The following KCNAB2 variants were observed in gnomAD, a reference collection of about 807,000 sequenced individuals.
KCNAB2 encodes the protein voltage-gated potassium channel subunit beta-2.
A neutral mutation model predicts 63.6 loss-of-function variants in KCNAB2; 29 were observed. The observed-to-expected ratio is 0.46, with a 90% CI of 0.34 to 0.62. The LOEUF (loss-of-function observed/expected upper bound fraction) is 0.62, where lower values mean the gene tolerates loss of function less well. KCNAB2 is among the 20% of genes least tolerant of loss of function. The pLI is 0.01. For synonymous variants in KCNAB2, 222 were observed against 224.2 expected, an observed-to-expected ratio of 0.99 and a Z score of 0.09; for missense variants, 359 against 563.9, an observed-to-expected ratio of 0.64 and a Z score of 3.68.
intron 1 of KCNAB2, among the ~76,000 whole-genome samples, chr1:6,008,534 T>C (rs1405507471): frequency 2.0e-5 from 3 of 151,724 alleles, no homozygotes; most frequent in African/African-American, 7.3e-5. Context: ...AGCAAGAGAA[T>C]TGCTTGAACC....
At chr1:6,004,954 T>C (rs111361205) in intron 1 of KCNAB2, among the ~76,000 whole-genome samples, 1,406 of 95,426 alleles carry the variant, frequency 0.015, 31 homozygotes, top group African/African-American at 0.039. Flanking sequence ...AGTGGGGGGA[T>C]GTGGGAGCTG....
chr1:6,016,448 G>C (rs1658504868), intron 1 of KCNAB2, among the ~76,000 whole-genome samples: 1 of 152,238 alleles, frequency 6.6e-6, no homozygotes, highest in Non-Finnish European at 1.5e-5. Flanking sequence ...CCACCCCCTT[G>C]AGACCACAGG....
chr1:6,068,807 C>T (rs1262199224), intron 2 of KCNAB2, among the ~76,000 whole-genome samples: 1 of 152,186 alleles, frequency 6.6e-6, no homozygotes, highest in African/African-American at 2.4e-5. Context: ...CCCTGGGAAG[C>T]TGGCCCTTCC....
At chr1:6,009,773 T>A (rs1658043122) in intron 1 of KCNAB2, among the ~76,000 whole-genome samples, 1 of 152,186 alleles carries the variant, frequency 6.6e-6, no homozygotes. Flanking sequence ...CGGTGTTCCC[T>A]CTCTGTCTCT....
intron 13 of KCNAB2, among the ~76,000 whole-genome samples, chr1:6,095,840 C>T (rs1037745180): frequency 2.6e-5 from 4 of 151,072 alleles, no homozygotes; most frequent in Non-Finnish European, 4.4e-5. Flanking sequence ...GTGGCACAGG[C>T]CCAAGTGGAG....
Position 6,072,884 on chromosome 1 carries a change from G to A in KCNAB2, c.262+86G>A, listed in dbSNP as rs371261325. 848 of 1,363,022 alleles carry A rather than the reference G, an allele frequency of 6.2e-4. 11 individuals are homozygous for A. In the South Asian group the frequency reaches 0.01, roughly 16 times the overall value. 84.4% of individuals were successfully genotyped at this position (1,363,022 alleles called of 1,614,324 possible). A position where few individuals can be genotyped will look rare whatever the true frequency, so the allele number is the denominator to read the frequency against. ...GACTGAACTGGACACCCCTTGGGAG[G>A]CAGGGTGGCCCAAACCTTGGCACTC... On this transcript the variant is annotated intron_variant, in intron 3 of 15. Transcript: ENST00000378083.
intron 1 of KCNAB2, among the ~76,000 whole-genome samples, chr1:6,011,744 C>T (rs925042423): frequency 6.7e-6 from 1 of 150,286 alleles, no homozygotes; most frequent in Non-Finnish European, 1.5e-5. Context: ...TGGAGGTGGG[C>T]GAGAGGGAGA....
chr1:6,067,294 G>A (rs956925252), intron 2 of KCNAB2, among the ~76,000 whole-genome samples: 12 of 152,306 alleles, frequency 7.9e-5, no homozygotes, highest in South Asian at 2.1e-4. Context: ...ACCGAACTGG[G>A]GACAACTCTG....
At chr1:6,045,561 G>C (rs531150543), upstream of KCNAB2, among the ~76,000 whole-genome samples, 6 of 152,274 alleles carry the variant, frequency 3.9e-5, no homozygotes, top group South Asian at 1.2e-3. The surrounding 1 kb of genome is among the most constrained non-coding windows in gnomAD (Gnocchi z 4.8). Flanking sequence ...TACCCATCTC[G>C]GGTGTATCCC....
At chr1:6,014,261 C>T (rs1658358901) in intron 1 of KCNAB2, among the ~76,000 whole-genome samples, 1 of 152,160 alleles carries the variant, frequency 6.6e-6, no homozygotes, top group African/African-American at 2.4e-5. Flanking sequence ...CCCTGGACCC[C>T]CGCCATCCAA....
intron 5 of KCNAB2, among the ~76,000 whole-genome samples, chr1:6,084,563 C>T (rs924776747): frequency 8.5e-5 from 13 of 152,214 alleles, no homozygotes; most frequent in Admixed American, 5.2e-4. Context: ...CGCCTGGAAT[C>T]CCAGCACTTT....
At chr1:6,054,660 A>G (rs1570971260) in intron 2 of KCNAB2, among the ~76,000 whole-genome samples, 1 of 152,144 alleles carries the variant, frequency 6.6e-6, no homozygotes, top group African/African-American at 2.4e-5. Context: ...CTGGGGTTTA[A>G]ATACCTTCTA....
In KCNAB2 at chr1:6,073,253, A is replaced by G. The variant is rs1490047387; in HGVS notation, c.262+455A>G. Among the ~76,000 whole-genome samples, 1 of 151,630 alleles carries G rather than the reference A, an allele frequency of 6.6e-6. No homozygotes were observed. Among genetic ancestry groups the G allele is most frequent in the Non-Finnish European group, 1.5e-5 (1 of 67,882 alleles). On this transcript the variant is annotated intron_variant, in intron 3 of 15. Transcript: ENST00000378083. The surrounding 1 kb of genome is among the most constrained non-coding windows in gnomAD (Gnocchi z 5.7). ...CAGTCCCCACCTCCCCTCTGCATGC[A>G]GTACACACACCCCCACACACACACC...
chr1:6,003,439 G>A lies in KCNAB2; in HGVS notation c.-53+10651G>A, dbSNP rs376010008. On this transcript the variant is annotated intron_variant, in intron 1 of 16. Coordinates refer to the KCNAB2 transcript ENST00000341524. The surrounding 1 kb of genome is among the most constrained non-coding windows in gnomAD (Gnocchi z 4.1). ...CAGCCCCTGCAGACACGCAGGCACC[G>A]TCCACCTTCTCCACTCTTAGCGCGA... Among the ~76,000 whole-genome samples, 20 of 152,260 alleles carry A rather than the reference G, an allele frequency of 1.3e-4. No homozygotes were observed. Among genetic ancestry groups the A allele is most frequent in the Admixed American group, 8.5e-4 (13 of 15,304 alleles).
chr1:6,082,179 G>T lies in KCNAB2; in HGVS notation c.301-16G>T. ...CACCCCCGGCTGGCAGGACAGTGTC[G>T]GTTTTCTCGTTTCAGATGGCAGAGC... On this transcript the variant is annotated splice_polypyrimidine_tract_variant and intron_variant, in intron 4 of 15. Coordinates refer to ENST00000378083, the MANE Select transcript of KCNAB2 (RefSeq NM_001199862.2). 6.2e-7 allele frequency: 1 copy of T among 1,611,872 alleles called. No homozygotes were observed. Among genetic ancestry groups the T allele is most frequent in the Admixed American group, 1.7e-5 (1 of 60,000 alleles).
In KCNAB2 at chr1:6,075,819, A is replaced by G. The variant is rs551286357; in HGVS notation, c.300+2049A>G. 2.6e-5 allele frequency among the ~76,000 whole-genome samples: 4 copies of G among 152,334 alleles called. No individual in the cohort carries two copies. In the East Asian group the frequency reaches 7.7e-4, roughly 29 times the overall value. On this transcript the variant is annotated intron_variant, in intron 4 of 15. Coordinates refer to ENST00000378083, the MANE Select transcript of KCNAB2 (RefSeq NM_001199862.2). Reference sequence around the variant, plus strand: ...TACATTCACATACTGTGCCACCCTTACCAATATCTGTTTCCAAAATATTTC... The same window carrying G: ...TACATTCACATACTGTGCCACCCTTGCCAATATCTGTTTCCAAAATATTTC...
rs1664810626 is a variant in KCNAB2, at chr1:6,087,562, C to T, written c.470+51C>T. On this transcript the variant is annotated intron_variant, in intron 7 of 15. Coordinates refer to ENST00000378083, the MANE Select transcript of KCNAB2 (RefSeq NM_001199862.2). The surrounding 1 kb of genome is among the most constrained non-coding windows in gnomAD (Gnocchi z 6.4). ...CCAGCCCCGGCCCAGCAGCCACGGC[C>T]CCGTGCTCCCCAGAGACCCCTGACC... is the stretch of plus-strand genomic sequence containing the variant. The T allele has an allele frequency of 1.3e-6, 2 of 1,592,114 alleles. No homozygotes were observed. The highest frequency in any genetic ancestry group is 8.6e-7 in the Non-Finnish European group (1 of 1,160,646).
At position 6,097,716 on chromosome 1, in the gene KCNAB2, G is replaced by A. The variant is rs774626865; in HGVS notation, c.1158+359G>A. ...GTGCTTGAGCAGTCTTGAGAGATGC[G>A]GAGTAAGTCACGCAAATGCCTGCGG... On this transcript the variant is annotated intron_variant, in intron 15 of 15. Coordinates refer to ENST00000378083, the MANE Select transcript of KCNAB2 (RefSeq NM_001199862.2). 1.2e-4 allele frequency: 56 copies of A among 486,316 alleles called. 2 individuals are homozygous for A. Among genetic ancestry groups the A allele is most frequent in the South Asian group, 6.7e-4 (16 of 23,902 alleles). 30.1% of individuals were successfully genotyped at this position (486,316 alleles called of 1,614,324 possible).
Position 6,046,038 on chromosome 1 carries a change from C to T in KCNAB2, c.-172C>T. 4 of 985,472 alleles carry T rather than the reference C, an allele frequency of 4.1e-6. No homozygotes were observed. The highest frequency in any genetic ancestry group is 4.8e-6 in the Non-Finnish European group (4 of 829,944). The allele number at this position is 985,472 out of a possible 1,614,324, so 61.0% of individuals were successfully genotyped here. A position where few individuals can be genotyped will look rare whatever the true frequency, so the allele number is the denominator to read the frequency against. ...GCCTCAAAACTCGACTCTGGTGGGA[C>T]TCATCTCATTCACCAATTGCTTCTG... On this transcript the variant is annotated 5_prime_UTR_variant, in exon 1 of 16. Transcript: ENST00000378083.
Sources: gnomAD v4.1 joint callset for allele counts (sites outside exome capture counted in the v4.1 genomes callset) on GRCh38, gnomAD v4.1.1 for gene constraint, Gnocchi (gnomAD v3.1) non-coding constraint, MANE v1.5 for transcripts, NCBI Gene and HGNC (gene_info 2026-07-23, HGNC 2026-07-21) for gene names.